GPC5: variants seen among roughly 807,000 people sequenced by gnomAD.
GPC5 encodes the protein glypican 5.
Under a neutral mutation model 53.9 loss-of-function variants are expected in GPC5, and 47 were observed. That is an observed-to-expected ratio of 0.87 (90% CI 0.69 to 1.11). The LOEUF (loss-of-function observed/expected upper bound fraction) is 1.11. Among genes scored for constraint, GPC5 ranks in the 50% most tolerant of loss-of-function variants. The pLI is 0.00. For missense variants in GPC5, 748 were observed against 713.1 expected (o/e 1.05, Z -0.56); for synonymous variants, 286 against 263.3 (o/e 1.09, Z -0.84).
intron 5 of GPC5, among the ~76,000 whole-genome samples, chr13:91,766,754 T>C (rs1228899477): frequency 6.6e-5 from 10 of 152,014 alleles, no homozygotes; most frequent in Admixed American, 6.5e-4. Flanking sequence ...CAGCTACTTA[T>C]GTGGCTGAGG....
At chr13:92,472,949 C>T (rs1878967387) in intron 7 of GPC5, among the ~76,000 whole-genome samples, 1 of 152,028 alleles carries the variant, frequency 6.6e-6, no homozygotes, top group Non-Finnish European at 1.5e-5. Context: ...TTATGATTGG[C>T]TTTTGATACC....
At chr13:92,532,464 T>C (rs940438618) in intron 7 of GPC5, among the ~76,000 whole-genome samples, 1 of 152,190 alleles carries the variant, frequency 6.6e-6, no homozygotes, top group Non-Finnish European at 1.5e-5. Context: ...TTATAATTTA[T>C]GGAACAGCCA....
intron 5 of GPC5, among the ~76,000 whole-genome samples, chr13:91,763,108 G>C (rs185042849): frequency 6.6e-6 from 1 of 152,256 alleles, no homozygotes; most frequent in East Asian, 1.9e-4. Context: ...ATTTTTATAA[G>C]CATTAGTGAG....
At chr13:91,550,469 C>T (rs889897832) in intron 2 of GPC5, among the ~76,000 whole-genome samples, 1 of 152,044 alleles carries the variant, frequency 6.6e-6, no homozygotes, top group African/African-American at 2.4e-5. Context: ...GCAGGGAGTG[C>T]ATATGAGAAT....
At chr13:92,525,461 T>A (rs1481126771) in intron 7 of GPC5, among the ~76,000 whole-genome samples, 1 of 151,200 alleles carries the variant, frequency 6.6e-6, no homozygotes, top group African/African-American at 2.4e-5. Context: ...TGTGTGTGTG[T>A]GTGTGTGTGT....
At chr13:92,771,370 T>C (rs896273296) in intron 7 of GPC5, among the ~76,000 whole-genome samples, 10 of 152,024 alleles carry the variant, frequency 6.6e-5, no homozygotes, top group African/African-American at 2.4e-4. Flanking sequence ...CGAGACAGAG[T>C]CTCGCTCTGT....
chr13:92,624,624 T>C (rs1252741138), intron 7 of GPC5, among the ~76,000 whole-genome samples: 1 of 152,184 alleles, frequency 6.6e-6, no homozygotes, highest in African/African-American at 2.4e-5. Flanking sequence ...TTTGCATTGG[T>C]TCTCTAAGCC....
chr13:91,828,771 G>C (rs577616265), intron 5 of GPC5, among the ~76,000 whole-genome samples: 3 of 151,868 alleles, frequency 2.0e-5, no homozygotes, highest in African/African-American at 7.3e-5. Flanking sequence ...AATAAAGTAG[G>C]AATCTATGAA....
chr13:91,698,615 G>A (rs113739982), intron 3 of GPC5, among the ~76,000 whole-genome samples: 1 of 152,086 alleles, frequency 6.6e-6, no homozygotes, highest in Admixed American at 6.6e-5. Context: ...ATAAGTACTA[G>A]AGAACAAAAA....
chr13:92,288,598 A>G (rs1307673781), intron 7 of GPC5, among the ~76,000 whole-genome samples: 1 of 152,162 alleles, frequency 6.6e-6, no homozygotes, highest in African/African-American at 2.4e-5. Context: ...CCCCTGGACA[A>G]TACCAGTGTT....
chr13:92,499,290 C>T (rs1880097843), intron 7 of GPC5, among the ~76,000 whole-genome samples: 4 of 152,094 alleles, frequency 2.6e-5, no homozygotes, highest in Admixed American at 2.6e-4. Context: ...TAGAATTTCT[C>T]CCAAATGTTA....
At chr13:91,842,030 G>A (rs918459701) in intron 5 of GPC5, among the ~76,000 whole-genome samples, 5 of 152,072 alleles carry the variant, frequency 3.3e-5, no homozygotes, top group Non-Finnish European at 5.9e-5. Flanking sequence ...CATAGACACG[G>A]CTTTATTGTA....
rs376592594 is a variant in GPC5, at chr13:91,981,481, G to A, written c.1401+73424G>A. On this transcript the variant is annotated intron_variant, in intron 6 of 7. Coordinates refer to ENST00000377067, the MANE Select transcript of GPC5 (RefSeq NM_004466.6). Reference sequence around the variant, plus strand: ...ATTTTTTGTATTTTTAGTACAGACTGGGTTTCACCGTGTTAGCCAGGATGG... The same window carrying A: ...ATTTTTTGTATTTTTAGTACAGACTAGGTTTCACCGTGTTAGCCAGGATGG... Among the ~76,000 whole-genome samples, 6 of 152,226 alleles carry A rather than the reference G, an allele frequency of 3.9e-5. No individual in the cohort carries two copies. In the East Asian group the frequency reaches 5.8e-4, roughly 15 times the overall value.
intron 7 of GPC5, among the ~76,000 whole-genome samples, chr13:92,861,272 T>G (rs1879173651): frequency 6.6e-6 from 1 of 152,134 alleles, no homozygotes; most frequent in South Asian, 2.1e-4. Flanking sequence ...GCACATACTC[T>G]TCATTATTCA....
intron 2 of GPC5, among the ~76,000 whole-genome samples, chr13:91,669,054 A>G (rs1437975955): frequency 2.0e-5 from 3 of 152,234 alleles, no homozygotes; most frequent in Admixed American, 1.3e-4. Flanking sequence ...GCAATCCTGC[A>G]TAGTAATTAC....
intron 7 of GPC5, among the ~76,000 whole-genome samples, chr13:92,852,026 T>C (rs535451199): frequency 1.3e-5 from 2 of 152,010 alleles, no homozygotes; most frequent in Non-Finnish European, 2.9e-5. Context: ...AAAAAATTTA[T>C]TCCTCGCTGG....
Position 91,711,258 on chromosome 13 carries a change from C to T in GPC5, c.1021-17274C>T, listed in dbSNP as rs149489988. 2.4e-3 allele frequency among the ~76,000 whole-genome samples: 364 copies of T among 152,160 alleles called. 2 individuals carry two copies. Among genetic ancestry groups the T allele is most frequent in the Middle Eastern group, 6.8e-3 (2 of 294 alleles). ...AAGAAAATGTGGCACATATACACCA[C>T]GGAATACTATGCAGCTAAAAAAAAG... On this transcript the variant is annotated intron_variant, in intron 3 of 7. Coordinates refer to ENST00000377067, the MANE Select transcript of GPC5 (RefSeq NM_004466.6).
intron 1 of GPC5, among the ~76,000 whole-genome samples, chr13:91,437,483 A>T (rs1323195387): frequency 6.6e-6 from 1 of 152,172 alleles, no homozygotes; most frequent in African/African-American, 2.4e-5. Flanking sequence ...TGGGTTGAAA[A>T]TTCTTTTCTT....
chr13:92,169,118 G>A (rs2042051728), intron 7 of GPC5, among the ~76,000 whole-genome samples: 1 of 152,164 alleles, frequency 6.6e-6, no homozygotes, highest in Non-Finnish European at 1.5e-5. Flanking sequence ...TTCTAAGTGG[G>A]AGCTCAACAA....
Sources: allele counts gnomAD v4.1 joint callset (sites outside exome capture counted in the v4.1 genomes callset), GRCh38; gene constraint gnomAD v4.1.1; transcripts MANE v1.5; gene names NCBI Gene and HGNC (gene_info 2026-07-23, HGNC 2026-07-21).